Variants in ZNF732 observed in about 807,000 individuals in gnomAD.
The protein encoded by ZNF732 is zinc finger protein LOC654254.
ZNF732 carries 12 observed loss-of-function variants against 11.5 expected under a neutral mutation model. The ratio of observed to expected loss-of-function variants is 1.05; its 90% CI spans 0.67 to 1.70. The LOEUF is 1.70. Among genes scored for constraint, ZNF732 ranks in the 40% most tolerant of loss-of-function variants. The probability of loss-of-function intolerance (pLI) is 0.00; values close to 1 mark genes in which losing one functional copy is unlikely to be tolerated. For missense variants in ZNF732, 702 were observed against 676.9 expected (o/e 1.04, Z -0.41); for synonymous variants, 231 against 236.5 (o/e 0.98, Z 0.21).
chr4:295,989 T>C (rs782582481), intron 2 of ZNF732, 40 bp downstream of exon 2: 2 of 1,596,900 alleles, frequency 1.3e-6, no homozygotes, highest in Admixed American at 1.8e-5. Flanking sequence ...TAAAACTCCC[T>C]GAGGGAGTAT....
intron 3 of ZNF732, among the ~76,000 whole-genome samples, chr4:280,965 G>A (rs1719608084): frequency 6.6e-6 from 1 of 152,140 alleles, no homozygotes; most frequent in Non-Finnish European, 1.5e-5. Context: ...GACACCCACA[G>A]AGAGAAACAT....
At chr4:301,821 A>C (rs1246800085) in intron 1 of ZNF732, among the ~76,000 whole-genome samples, 1 of 152,230 alleles carries the variant, frequency 6.6e-6, no homozygotes, top group Non-Finnish European at 1.5e-5. Flanking sequence ...TACATATGTA[A>C]CAAACCTGCA....
At chr4:288,891 A>T (rs187130916) in intron 3 of ZNF732, among the ~76,000 whole-genome samples, 69 of 152,346 alleles carry the variant, frequency 4.5e-4, no homozygotes, top group African/African-American at 1.5e-3. Flanking sequence ...AGGGTTTTGA[A>T]ACCCAAAACA....
chr4:305,001 C>T (rs1377346962), intron 1 of ZNF732, among the ~76,000 whole-genome samples: 7 of 152,228 alleles, frequency 4.6e-5, no homozygotes, highest in African/African-American at 1.7e-4. Context: ...GACCGGACCA[C>T]AGCTCCTCCC....
At position 296,138 on chromosome 4, in the gene ZNF732, C is replaced by T. The variant is rs1553842255; in HGVS notation, c.21G>A (p.Arg7=). The change falls in exon 2 of 4, where the codon AGG becomes AGA. Residue 7 remains arginine (R), a synonymous_variant. Coordinates refer to ENST00000419098, the MANE Select transcript of ZNF732 (RefSeq NM_001137608.3). Reference sequence around the variant, plus strand: ...CTGGAGAGAATTCTATGGCCACATCCCTGAATGTTAAGAGTTCCTGAAAAT... The same window carrying T: ...CTGGAGAGAATTCTATGGCCACATCTCTGAATGTTAAGAGTTCCTGAAAAT... MELLTF[R]DVAIEFSPEE... 6.2e-7 allele frequency: 1 copy of T among 1,611,726 alleles called. No individual in the cohort carries two copies.
rs562345772 is a variant in ZNF732 at position 284,290 on chromosome 4, T to C, written c.226+11148A>G. The stretch of plus-strand genomic sequence containing the variant: ...GAGTGAACATTGAAAATCTTACAAA[T>C]ATGTGTATATTAGACAACATGCTTC... On this transcript the variant is annotated intron_variant, in intron 3 of 3. Coordinates refer to ENST00000419098, the MANE Select transcript of ZNF732 (RefSeq NM_001137608.3). Among the ~76,000 whole-genome samples, 3 of 152,044 alleles carry C rather than the reference T, an allele frequency of 2.0e-5. No individual in the cohort carries two copies. In the East Asian group the frequency reaches 5.8e-4, roughly 29 times the overall value.
rs551646662 is a variant in ZNF732 at position 289,300 on chromosome 4, G to A, written c.226+6138C>T. ...CCACCCTGCATGTGTGTGCGCTCGC[G>A]CACATGCTGTCTACATGTAATCCAC... On this transcript the variant is annotated intron_variant, in intron 3 of 3. Transcript: ENST00000419098. Among the ~76,000 whole-genome samples, 5 of 152,366 alleles carry A rather than the reference G, an allele frequency of 3.3e-5. No individual in the cohort carries two copies. In the South Asian group the frequency reaches 6.2e-4, roughly 19 times the overall value.
At chr4:292,890 C>CAAAAAAAAAAAAAAA (rs34118991) in intron 3 of ZNF732, among the ~76,000 whole-genome samples, 6 of 79,492 alleles carry the variant, frequency 7.5e-5, no homozygotes, top group Admixed American at 1.2e-4. Flanking sequence ...ACTAAAAACA[C>CAAAAAAAAAAAAAAA]AAAAAAAAAA....
At position 270,785 on chromosome 4, in the gene ZNF732, G is replaced by C; in HGVS notation, c.*314C>G. ...CATTTGTAGGATTCATCTCCCATAT[G>C]AATTTTCTTATGTTCACTCAGGGTT... On this transcript the variant is annotated 3_prime_UTR_variant, in exon 4 of 4. Transcript: ENST00000419098. 1.9e-6 allele frequency: 1 copy of C among 534,958 alleles called. No individual in the cohort carries two copies. The highest frequency in any genetic ancestry group is 4.0e-5 in the East Asian group (1 of 24,956). 33.1% of individuals were successfully genotyped at this position (534,958 alleles called of 1,614,324 possible).
intron 3 of ZNF732, among the ~76,000 whole-genome samples, chr4:281,851 T>C (rs1250678617): frequency 1.3e-5 from 2 of 152,160 alleles, no homozygotes; most frequent in African/African-American, 4.8e-5. Context: ...CAGGAAGCAC[T>C]AACAATAAAA....
chr4:305,465 C>A lies in ZNF732; in HGVS notation c.-155G>T, dbSNP rs2108663975. On this transcript the variant is annotated 5_prime_UTR_variant, in exon 1 of 4. Transcript: ENST00000419098. Reference sequence around the variant, plus strand: ...GAGACCCTAACCGAGCTCACGCTGGCGCAAAAGGCAAAAGCCGCGCCAGAT... The same window carrying A: ...GAGACCCTAACCGAGCTCACGCTGGAGCAAAAGGCAAAAGCCGCGCCAGAT... The A allele has an allele frequency of 1.8e-6, 2 of 1,093,382 alleles. No individual in the cohort carries two copies. The highest frequency in any genetic ancestry group is 1.3e-6 in the Non-Finnish European group (1 of 775,388). 67.7% of individuals were successfully genotyped at this position (1,093,382 alleles called of 1,614,324 possible).
chr4:305,460 G>C lies in ZNF732; in HGVS notation c.-150C>G. Reference sequence around the variant, plus strand: ...CCGTGGAGACCCTAACCGAGCTCACGCTGGCGCAAAAGGCAAAAGCCGCGC... The same window carrying C: ...CCGTGGAGACCCTAACCGAGCTCACCCTGGCGCAAAAGGCAAAAGCCGCGC... On this transcript the variant is annotated 5_prime_UTR_variant, in exon 1 of 4. Transcript: ENST00000419098. The C allele has an allele frequency of 5.1e-6, 6 of 1,165,398 alleles. No individual in the cohort carries two copies. The South Asian group carries it at 8.7e-5, about 17-fold the overall frequency. 72.2% of individuals were successfully genotyped at this position (1,165,398 alleles called of 1,614,324 possible). A position where few individuals can be genotyped will look rare whatever the true frequency, so the allele number is the denominator to read the frequency against.
At position 271,181 on chromosome 4, in the gene ZNF732, T is replaced by C. The variant is rs1189445874; in HGVS notation, c.1676A>G (p.Lys559Arg). ...AAAGGCTTTGCCACATCCTTTACAT[T>C]TGGGGGTTTTATCTCCAGTATGAAT... ...KTIHTGDKTP[K>R]CKGCGKAFKW... The change falls in exon 4 of 4, where the codon AAA becomes AGA. Residue 559 changes from lysine to arginine, a missense_variant. Coordinates refer to ENST00000419098, the MANE Select transcript of ZNF732 (RefSeq NM_001137608.3). 3.2e-6 allele frequency: 5 copies of C among 1,554,030 alleles called. No homozygotes were observed. The African/African-American group carries it at 5.5e-5, about 17-fold the overall frequency.
At chr4:290,621 C>T (rs1287792792) in intron 3 of ZNF732, among the ~76,000 whole-genome samples, 1 of 152,218 alleles carries the variant, frequency 6.6e-6, no homozygotes, top group African/African-American at 2.4e-5. Context: ...AGGTAGTCAG[C>T]AGAAGCCAAA....
intron 1 of ZNF732, among the ~76,000 whole-genome samples, chr4:296,868 A>G (rs1310741121): frequency 1.3e-5 from 2 of 152,166 alleles, no homozygotes; most frequent in African/African-American, 4.8e-5. Flanking sequence ...TTTTCATCCC[A>G]AGACAAGACC....
intron 1 of ZNF732, 58 bp from the exon 2 acceptor site, chr4:296,213 G>A (rs1472670841): frequency 1.9e-6 from 3 of 1,587,440 alleles, no homozygotes; most frequent in Non-Finnish European, 1.7e-6. Flanking sequence ...GGTGAAATGA[G>A]TTAAGAGAAC....
intron 3 of ZNF732, among the ~76,000 whole-genome samples, chr4:287,693 G>T (rs1261494169): frequency 6.6e-6 from 1 of 150,808 alleles, no homozygotes; most frequent in African/African-American, 2.4e-5. Context: ...CCCCAGGCTG[G>T]AGTGCAGTGA....
intron 3 of ZNF732, among the ~76,000 whole-genome samples, chr4:293,440 A>G (rs1421359277): frequency 3.9e-5 from 6 of 151,944 alleles, no homozygotes; most frequent in African/African-American, 1.2e-4. Context: ...ACAGAGAGAC[A>G]AAGAAACTGC....
At chr4:274,123 A>G (rs1418087516) in intron 3 of ZNF732, among the ~76,000 whole-genome samples, 19 of 151,820 alleles carry the variant, frequency 1.3e-4, no homozygotes, top group Non-Finnish European at 2.8e-4. Context: ...TACCACTATC[A>G]TATTACAGAA....
Sources: allele counts gnomAD v4.1 joint callset (sites outside exome capture counted in the v4.1 genomes callset), GRCh38; gene constraint gnomAD v4.1.1; transcripts MANE v1.5; gene names NCBI Gene and HGNC (gene_info 2026-07-23, HGNC 2026-07-21).